Variants in SLC4A1AP observed in about 807,000 individuals in gnomAD.
The protein encoded by SLC4A1AP is solute carrier family 4 member 1 adaptor protein.
A neutral mutation model predicts 89.7 loss-of-function variants in SLC4A1AP; 64 were observed. That is an observed-to-expected ratio of 0.71 (90% CI 0.58 to 0.88). SLC4A1AP has a LOEUF of 0.88. Among genes scored for constraint, SLC4A1AP ranks in the 40% least tolerant of loss-of-function variants. SLC4A1AP has a pLI of 0.00. For synonymous variants in SLC4A1AP, 366 were observed against 353.3 expected, an observed-to-expected ratio of 1.04 and a Z score of -0.40; for missense variants, 931 against 965.0, an observed-to-expected ratio of 0.96 and a Z score of 0.47.
At chr2:27,663,999 C>G in exon 1 of SLC4A1AP, 1 of 1,614,210 alleles carries the variant, frequency 6.2e-7, no homozygotes. Context: ...GCCGGTGTCC[C>G]CAGCGGCGCG....
intron 13 of SLC4A1AP, 30 bp downstream of exon 13, chr2:27,693,784 A>C (rs1357738545): frequency 6.5e-7 from 1 of 1,537,370 alleles, no homozygotes; most frequent in South Asian, 1.2e-5. Context: ...TTTTCCTCTA[A>C]GGTTCATTTA....
intron 5 of SLC4A1AP, among the ~76,000 whole-genome samples, chr2:27,673,418 C>CCCT (rs1675460854): frequency 1.2e-5 from 1 of 84,938 alleles, no homozygotes; most frequent in Non-Finnish European, 2.3e-5. Context: ...CTCCCTCCCT[C>CCCT]CCTCCCTCCC....
chr2:27,668,341 G>A (rs1422776279), intron 3 of SLC4A1AP, among the ~76,000 whole-genome samples: 13 of 152,038 alleles, frequency 8.6e-5, no homozygotes, highest in East Asian at 1.9e-4. Flanking sequence ...TAGTAGAGAC[G>A]GGGTTTCACT....
intron 8 of SLC4A1AP, among the ~76,000 whole-genome samples, chr2:27,680,061 G>A (rs1042365513): frequency 3.9e-5 from 6 of 152,160 alleles, no homozygotes; most frequent in Non-Finnish European, 7.3e-5. Context: ...CCGGTGACTG[G>A]GGGGTGGGAG....
At chr2:27,664,569 A>G (rs778825718) in exon 1 of SLC4A1AP, 1 of 1,607,968 alleles carries the variant, frequency 6.2e-7, no homozygotes, top group African/African-American at 1.3e-5. Flanking sequence ...CCGGCTCTTT[A>G]TCCTGCAGGT....
chr2:27,677,196 ATCT>A (rs1675537586), intron 6 of SLC4A1AP, 96 bp from the exon 7 acceptor site: 7 of 835,362 alleles, frequency 8.4e-6, no homozygotes, highest in Admixed American at 6.6e-5. Flanking sequence ...TTTTGAATTA[ATCT>A]TCTTAAAACT....
At chr2:27,673,300 CTT>C (rs1675456124) in intron 5 of SLC4A1AP, among the ~76,000 whole-genome samples, 1 of 147,882 alleles carries the variant, frequency 6.8e-6, no homozygotes, top group African/African-American at 2.5e-5. Context: ...TTATGAATTT[CTT>C]TCTCTCTCTC....
At chr2:27,691,889 C>A (rs1675793891) in intron 12 of SLC4A1AP, 1 of 152,256 alleles carries the variant, frequency 6.6e-6, no homozygotes, top group African/African-American at 2.4e-5. Flanking sequence ...CGCGCCCAGC[C>A]TCATTTGGTC....
In SLC4A1AP at chr2:27,688,474, A is replaced by G. The variant is rs147394084; in HGVS notation, c.2204-226A>G. Among the ~76,000 whole-genome samples the G allele has an allele frequency of 4.1e-3, 626 of 152,338 alleles. 5 individuals are homozygous for G. The highest frequency in any genetic ancestry group is 6.4e-3 in the Non-Finnish European group (434 of 68,028). Reference sequence around the variant, plus strand: ...TTAAACTTGTTCGCATAATGTGGTTATATTCAAACTTGTAGAACAGCCTTA... The same window carrying G: ...TTAAACTTGTTCGCATAATGTGGTTGTATTCAAACTTGTAGAACAGCCTTA... On this transcript the variant is annotated intron_variant, in intron 11 of 13. Transcript: ENST00000613058.
intron 5 of SLC4A1AP, 75 bp from the exon 6 acceptor site, chr2:27,675,457 C>G: frequency 9.7e-7 from 1 of 1,034,454 alleles, no homozygotes; most frequent in Non-Finnish European, 1.4e-6. Flanking sequence ...ATTTTAAGCT[C>G]CTTGCCTACT....
chr2:27,664,496 C>T (rs199925806), exon 1 of SLC4A1AP: 8 of 1,614,218 alleles, frequency 5.0e-6, no homozygotes, highest in East Asian at 2.2e-5. Flanking sequence ...ACAAAACTCG[C>T]ATCCCACCTC....
At chr2:27,685,731 A>T (rs1014221143) in intron 10 of SLC4A1AP, among the ~76,000 whole-genome samples, 7 of 152,188 alleles carry the variant, frequency 4.6e-5, no homozygotes, top group African/African-American at 1.7e-4. Context: ...ATCTTGCTTC[A>T]TTCATTTTTG....
chr2:27,665,329 T>C (rs748108932), intron 2 of SLC4A1AP, 34 bp downstream of exon 2: 2 of 1,548,156 alleles, frequency 1.3e-6, no homozygotes, highest in Middle Eastern at 1.8e-4. Flanking sequence ...GAGGTTAATA[T>C]TTTAAGTTCA....
intron 4 of SLC4A1AP, 97 bp downstream of exon 4, chr2:27,669,000 T>A: frequency 7.9e-7 from 1 of 1,265,274 alleles, no homozygotes; most frequent in Non-Finnish European, 1.1e-6. Flanking sequence ...AACTTTCATC[T>A]AAGTTTAAGC....
chr2:27,664,092 G>A (rs1269955438), exon 1 of SLC4A1AP: 1 of 1,614,166 alleles, frequency 6.2e-7, no homozygotes. Flanking sequence ...CTCCAATTCT[G>A]GGGAGCCCGA....
chr2:27,678,488 G>A (rs552884782), intron 8 of SLC4A1AP, among the ~76,000 whole-genome samples: 6 of 151,892 alleles, frequency 4.0e-5, no homozygotes, highest in African/African-American at 7.2e-5. Context: ...AGCTGTGATC[G>A]TGCCATTGCA....
chr2:27,684,976 A>G (rs1460159480), intron 9 of SLC4A1AP, 61 bp from the exon 10 acceptor site: 4 of 1,525,762 alleles, frequency 2.6e-6, no homozygotes, highest in Non-Finnish European at 3.5e-6. Flanking sequence ...CTCCTTGAAA[A>G]GATTTTTCTC....
chr2:27,669,278 A>G (rs776262230), exon 5 of SLC4A1AP: 2 of 1,612,730 alleles, frequency 1.2e-6, no homozygotes, highest in East Asian at 2.2e-5. Context: ...CTGGAAAACA[A>G]CTGGTGGCTG....
intron 12 of SLC4A1AP, chr2:27,692,012 T>A (rs889978635): frequency 6.6e-6 from 1 of 152,174 alleles, no homozygotes; most frequent in African/African-American, 2.4e-5. Context: ...GAGGTCTTGC[T>A]ATGTTATCCA....
Sources: allele counts gnomAD v4.1 joint callset (sites outside exome capture counted in the v4.1 genomes callset), GRCh38; gene constraint gnomAD v4.1.1; transcripts MANE v1.5; gene names NCBI Gene and HGNC (gene_info 2026-07-23, HGNC 2026-07-21).